The following SPTBN1 variants were observed in gnomAD, a reference collection of about 807,000 sequenced individuals.
SPTBN1 encodes spectrin beta chain, non-erythrocytic 1.
Under a neutral mutation model 266.4 loss-of-function variants are expected in SPTBN1, and 32 were observed. That is an observed-to-expected ratio of 0.12 (90% CI 0.09 to 0.16). The LOEUF is 0.16. SPTBN1 is among the 10% of genes least tolerant of loss of function. The probability of loss-of-function intolerance (pLI) is 1.00; values close to 1 mark genes in which losing one functional copy is unlikely to be tolerated. For synonymous variants in SPTBN1, 1,336 were observed against 1,162.2 expected (o/e 1.15, Z -3.04); for missense variants, 2,296 against 3,067.1 (o/e 0.75, Z 5.94).
chr2:54,501,464 A>G (rs1669266742), intron 1 of SPTBN1, among the ~76,000 whole-genome samples: 1 of 152,146 alleles, frequency 6.6e-6, no homozygotes, highest in African/African-American at 2.4e-5. Context: ...AACACTACAC[A>G]TTATTTAGGT....
At chr2:54,636,372 G>A (rs1017268611) in intron 17 of SPTBN1, among the ~76,000 whole-genome samples, 4 of 152,072 alleles carry the variant, frequency 2.6e-5, no homozygotes, top group Admixed American at 2.6e-4. Context: ...AATTATATAT[G>A]ATGTTATAAC....
intron 2 of SPTBN1, among the ~76,000 whole-genome samples, chr2:54,579,287 C>T (rs1290601070): frequency 6.6e-5 from 10 of 152,106 alleles, no homozygotes; most frequent in African/African-American, 2.2e-4. Context: ...AGGCATCCCT[C>T]AGGTATGAGA....
intron 2 of SPTBN1, among the ~76,000 whole-genome samples, chr2:54,576,578 G>T (rs1026468078): frequency 6.6e-6 from 1 of 152,176 alleles, no homozygotes; most frequent in Admixed American, 6.5e-5. Flanking sequence ...ATGCGCCACA[G>T]CTGCCTGGCT....
intron 29 of SPTBN1, 115 bp from the exon 30 acceptor site, chr2:54,657,735 A>G: frequency 6.3e-6 from 8 of 1,273,736 alleles, no homozygotes; most frequent in Non-Finnish European, 7.8e-6. Flanking sequence ...AGAGTAGACG[A>G]TAGACTGGTT....
At chr2:54,500,627 C>G (rs1458542551) in intron 1 of SPTBN1, among the ~76,000 whole-genome samples, 1 of 152,104 alleles carries the variant, frequency 6.6e-6, no homozygotes, top group East Asian at 1.9e-4. Context: ...CTCACTGTAA[C>G]CTCTGCCTCC....
chr2:54,660,823 C>T (rs1038551566), intron 32 of SPTBN1: 49 of 985,326 alleles, frequency 5.0e-5, no homozygotes, highest in South Asian at 1.9e-4. Context: ...ACCTCTGTCT[C>T]GCTCCCTGTC....
chr2:54,486,469 A>AATGGATT (rs1668397520), intron 1 of SPTBN1, among the ~76,000 whole-genome samples: 1 of 152,190 alleles, frequency 6.6e-6, no homozygotes, highest in Non-Finnish European at 1.5e-5. Flanking sequence ...CTCAGGGGTC[A>AATGGATT]ATGGATTAAG....
At chr2:54,494,775 A>T (rs542834228) in intron 1 of SPTBN1, among the ~76,000 whole-genome samples, 2 of 152,338 alleles carry the variant, frequency 1.3e-5, no homozygotes, top group East Asian at 3.9e-4. Flanking sequence ...CCAAAGAGGC[A>T]TGGGAAACTT....
At chr2:54,637,564 C>G (rs1177216730) in intron 17 of SPTBN1, 149 bp from the exon 18 acceptor site, 1 of 653,678 alleles carries the variant, frequency 1.5e-6, no homozygotes, top group African/African-American at 1.8e-5. Context: ...GCTAAAATCT[C>G]TTTATCTTGT....
At chr2:54,654,077 G>A (rs989464765) in intron 27 of SPTBN1, among the ~76,000 whole-genome samples, 1 of 152,150 alleles carries the variant, frequency 6.6e-6, no homozygotes, top group African/African-American at 2.4e-5. Flanking sequence ...ATCAAAGCCT[G>A]TCCCATTCTC....
At chr2:54,563,440 G>T (rs577341283) in intron 2 of SPTBN1, among the ~76,000 whole-genome samples, 1 of 152,258 alleles carries the variant, frequency 6.6e-6, no homozygotes, top group East Asian at 1.9e-4. Context: ...TTGGGACATA[G>T]AGATTAAAGA....
At chr2:54,553,063 T>C (rs1672670421) in intron 2 of SPTBN1, among the ~76,000 whole-genome samples, 1 of 152,206 alleles carries the variant, frequency 6.6e-6, no homozygotes, top group Non-Finnish European at 1.5e-5. Context: ...AATTGTTCTT[T>C]TGGGGGGAAA....
chr2:54,596,765 C>T (rs967507166), intron 2 of SPTBN1, among the ~76,000 whole-genome samples: 4 of 152,168 alleles, frequency 2.6e-5, no homozygotes, highest in Non-Finnish European at 2.9e-5. Flanking sequence ...GGAGCCCTCC[C>T]GGCACAGATC....
At chr2:54,637,646 T>A in intron 17 of SPTBN1, 67 bp from the exon 18 acceptor site, 1 of 1,254,136 alleles carries the variant, frequency 8.0e-7, no homozygotes, top group South Asian at 1.3e-5. Flanking sequence ...ATAAATTGAT[T>A]TGTATTCTGT....
chr2:54,665,803 G>A lies in SPTBN1; in HGVS notation c.6660-112G>A. On this transcript the variant is annotated intron_variant, in intron 33 of 35. Transcript: ENST00000356805. ...ATAAGGAAGGTTGAGGGTTGGGTGG[G>A]GTCACACTGTGTTGTGTGAGGATCA... 7 of 1,227,996 alleles carry A rather than the reference G, an allele frequency of 5.7e-6. No homozygotes were observed. The South Asian group carries it at 9.2e-5, about 16-fold the overall frequency. 76.1% of individuals were successfully genotyped at this position (1,227,996 alleles called of 1,614,324 possible).
At chr2:54,535,976 C>T (rs142305185) in intron 2 of SPTBN1, among the ~76,000 whole-genome samples, 223 of 152,308 alleles carry the variant, frequency 1.5e-3, no homozygotes, top group African/African-American at 4.7e-3. Context: ...GCCAAGATTG[C>T]GCCATTGCAC....
rs921463407 is a variant in SPTBN1, at chr2:54,616,958, C to T, written c.567-650C>T. Among the ~76,000 whole-genome samples, 19 of 152,152 alleles carry T rather than the reference C, an allele frequency of 1.2e-4. 1 individual carries two copies. Among genetic ancestry groups the T allele is most frequent in the Admixed American group, 1.2e-3 (19 of 15,264 alleles). ...TATGAAAATCAGAACTCCATCCATT[C>T]TGAGAGCTAGCTGAAAAGTCATCAT... On this transcript the variant is annotated intron_variant, in intron 5 of 35. Transcript: ENST00000356805.
At position 54,630,966 on chromosome 2, in the gene SPTBN1, A is replaced by G. The variant is rs1678691416; in HGVS notation, c.2919A>G (p.Glu973=). 1 of 1,614,064 alleles carries G rather than the reference A, an allele frequency of 6.2e-7. No homozygotes were observed. The highest frequency in any genetic ancestry group is 1.3e-5 in the African/African-American group (1 of 74,938). The change falls in exon 16 of 36, where the codon GAA becomes GAG. Residue 973 remains glutamate (E), a synonymous_variant. Coordinates refer to ENST00000356805, the MANE Select transcript of SPTBN1 (RefSeq NM_003128.3). ...ECNETKSWIR[E]KTKVIESTQD... Reference sequence around the variant, plus strand: ...ATGAAACCAAATCCTGGATTCGGGAAAAGACCAAGGTCATCGAGTCCACCC... The same window carrying G: ...ATGAAACCAAATCCTGGATTCGGGAGAAGACCAAGGTCATCGAGTCCACCC...
chr2:54,480,711 T>A (rs976165758), intron 1 of SPTBN1, among the ~76,000 whole-genome samples: 1 of 152,248 alleles, frequency 6.6e-6, no homozygotes, highest in Non-Finnish European at 1.5e-5. Flanking sequence ...GAGTTGCTGC[T>A]GCTGGTTCCC....
Sources: allele counts gnomAD v4.1 joint callset (sites outside exome capture counted in the v4.1 genomes callset), GRCh38; gene constraint gnomAD v4.1.1; transcripts MANE v1.5; gene names NCBI Gene and HGNC (gene_info 2026-07-23, HGNC 2026-07-21).